The following NR2F1-AS1 variants were observed in gnomAD, a reference collection of about 807,000 sequenced individuals.
The protein encoded by NR2F1-AS1 is NR2F1 regulatory antisense RNA 1, also known as NR2F1 antisense RNA 1.
chr5:93,553,653 A>G (rs960621763), intron 4 of NR2F1-AS1: 1 of 152,224 alleles, frequency 6.6e-6, no homozygotes, highest in African/African-American at 2.4e-5. Flanking sequence ...TCAACATTCC[A>G]ATAATGTCTC....
chr5:93,580,757 T>C (rs1380543699), exon 1 of NR2F1-AS1: 1 of 152,336 alleles, frequency 6.6e-6, no homozygotes, highest in Non-Finnish European at 1.5e-5. Flanking sequence ...TTTCTTTTGG[T>C]CTATTTTAAT....
chr5:93,427,918 AAG>A (rs995520340), intron 4 of NR2F1-AS1, among the ~76,000 whole-genome samples: 4 of 150,640 alleles, frequency 2.7e-5, no homozygotes, highest in Admixed American at 6.6e-5. Context: ...AAGAGAGAGA[AAG>A]AGAGAGAGAG....
chr5:93,533,784 A>T (rs1427943731), intron 4 of NR2F1-AS1, among the ~76,000 whole-genome samples: 1 of 152,192 alleles, frequency 6.6e-6, no homozygotes, highest in Non-Finnish European at 1.5e-5. Flanking sequence ...CTAGTAAGAG[A>T]AAGGCTTAAA....
intron 1 of NR2F1-AS1, among the ~76,000 whole-genome samples, chr5:93,572,363 C>T (rs1752790407): frequency 6.6e-6 from 1 of 152,142 alleles, no homozygotes; most frequent in Admixed American, 6.5e-5. Context: ...CAGAGGCGCC[C>T]GGCTTGTGGG....
chr5:93,581,876 C>T (rs1300353444), upstream of NR2F1-AS1, among the ~76,000 whole-genome samples: 1 of 65,756 alleles, frequency 1.5e-5, no homozygotes, highest in Non-Finnish European at 2.8e-5. Context: ...CTCCTCTCTC[C>T]TCTCTCTCTC....
intron 4 of NR2F1-AS1, among the ~76,000 whole-genome samples, chr5:93,498,848 A>G (rs1174440151): frequency 6.6e-6 from 1 of 152,174 alleles, no homozygotes; most frequent in Non-Finnish European, 1.5e-5. Context: ...AATTGTACTT[A>G]ATTTTTTCTA....
intron 1 of NR2F1-AS1, among the ~76,000 whole-genome samples, chr5:93,576,205 CT>C (rs1752890054): frequency 6.6e-6 from 1 of 152,194 alleles, no homozygotes; most frequent in Non-Finnish European, 1.5e-5. Flanking sequence ...TTTCCTTTCT[CT>C]TTTCAGCTTC....
At chr5:93,477,306 A>G (rs1443644359) in intron 4 of NR2F1-AS1, among the ~76,000 whole-genome samples, 1 of 152,190 alleles carries the variant, frequency 6.6e-6, no homozygotes, top group Admixed American at 6.5e-5. Flanking sequence ...CACAACATTA[A>G]CATCACATGG....
chr5:93,525,573 A>G (rs1032510557), intron 4 of NR2F1-AS1, among the ~76,000 whole-genome samples: 11 of 152,194 alleles, frequency 7.2e-5, no homozygotes, highest in Non-Finnish European at 1.5e-5. Context: ...TCAGCACCAC[A>G]TTGCATTTAT....
chr5:93,465,922 TG>T (rs1423211825), intron 4 of NR2F1-AS1, among the ~76,000 whole-genome samples: 2 of 71,730 alleles, frequency 2.8e-5, no homozygotes, highest in Non-Finnish European at 5.4e-5. Context: ...GGGGGCCTGT[TG>T]TGGGGTGGGG....
At chr5:93,516,175 C>T (rs573706922) in intron 4 of NR2F1-AS1, among the ~76,000 whole-genome samples, 3 of 151,960 alleles carry the variant, frequency 2.0e-5, no homozygotes, top group Admixed American at 1.3e-4. Flanking sequence ...ATATACTCCA[C>T]ACAAACACAC....
rs550325590 is a variant in NR2F1-AS1 at position 93,437,781 on chromosome 5, A to G, written n.639-42239T>C. ...CAAGCAACTATCACGTTATTAACATAGCCAAAGTTTATATATTTTATTGTT... is the reference window on the plus strand; with the variant it reads ...CAAGCAACTATCACGTTATTAACATGGCCAAAGTTTATATATTTTATTGTT... On this transcript the variant is annotated intron_variant and non_coding_transcript_variant, in intron 4 of 5. Coordinates refer to ENST00000660523, the Ensembl canonical transcript of NR2F1-AS1. Among the ~76,000 whole-genome samples the G allele has an allele frequency of 7.9e-5, 12 of 152,354 alleles. 1 individual carries two copies. Among genetic ancestry groups the G allele is most frequent in the African/African-American group, 2.6e-4 (11 of 41,586 alleles).
intron 4 of NR2F1-AS1, among the ~76,000 whole-genome samples, chr5:93,551,621 G>A (rs1015544582): frequency 6.6e-6 from 1 of 151,962 alleles, no homozygotes; most frequent in African/African-American, 2.4e-5. Context: ...CTTTAAATAT[G>A]ATAACAAATG....
chr5:93,549,720 T>C (rs1752179393), intron 4 of NR2F1-AS1, among the ~76,000 whole-genome samples: 1 of 152,146 alleles, frequency 6.6e-6, no homozygotes. Flanking sequence ...CTCAAATTCT[T>C]AATATATCAA....
intron 4 of NR2F1-AS1, among the ~76,000 whole-genome samples, chr5:93,474,209 T>C (rs181371362): frequency 6.6e-6 from 1 of 152,290 alleles, no homozygotes; most frequent in East Asian, 1.9e-4. Context: ...ACAAGATTTG[T>C]TAAGATGACC....
chr5:93,565,261 C>T (rs1028934366), intron 1 of NR2F1-AS1, among the ~76,000 whole-genome samples: 1 of 152,104 alleles, frequency 6.6e-6, no homozygotes, highest in African/African-American at 2.4e-5. Flanking sequence ...GTTTTAATTA[C>T]ACCTAGAAAG....
chr5:93,435,172 T>C (rs1749408261), intron 4 of NR2F1-AS1, among the ~76,000 whole-genome samples: 1 of 152,192 alleles, frequency 6.6e-6, no homozygotes, highest in Non-Finnish European at 1.5e-5. Flanking sequence ...AATGGTGATT[T>C]TCTAATATTA....
chr5:93,535,205 G>T (rs1470522179), intron 4 of NR2F1-AS1, among the ~76,000 whole-genome samples: 1 of 150,794 alleles, frequency 6.6e-6, no homozygotes, highest in African/African-American at 2.4e-5. Context: ...CTGTGACAAA[G>T]CTCTCTCTTT....
At position 93,459,343 on chromosome 5, in the gene NR2F1-AS1, A is replaced by C. The variant is rs1024494442; in HGVS notation, n.639-63801T>G. Among the ~76,000 whole-genome samples, 12 of 152,210 alleles carry C rather than the reference A, an allele frequency of 7.9e-5. No homozygotes were observed. The East Asian group carries it at 2.1e-3, about 27-fold the overall frequency. ...GAAAACATGCTCAATATCATTATTC[A>C]TTAGAAAAATGCCAATTAAAACTAC... On this transcript the variant is annotated intron_variant and non_coding_transcript_variant, in intron 4 of 5. Coordinates refer to ENST00000660523, the Ensembl canonical transcript of NR2F1-AS1.
Sources: allele counts gnomAD v4.1 joint callset (sites outside exome capture counted in the v4.1 genomes callset), GRCh38; gene constraint gnomAD v4.1.1; transcripts MANE v1.5; gene names NCBI Gene and HGNC (gene_info 2026-07-23, HGNC 2026-07-21).